Variants in ERC1 observed in about 807,000 individuals in gnomAD.
ERC1 encodes the protein ELKS/RAB6-interacting/CAST family member 1.
Under a neutral mutation model 132.0 loss-of-function variants are expected in ERC1, and 56 were observed. The ratio of observed to expected loss-of-function variants is 0.42; its 90% CI spans 0.34 to 0.53. ERC1 has a LOEUF of 0.53. Among genes scored for constraint, ERC1 ranks in the 20% least tolerant of loss-of-function variants. The pLI, the probability that ERC1 is intolerant of heterozygous loss-of-function variation, is 0.03. For missense variants in ERC1, 1,202 were observed against 1,349.9 expected (o/e 0.89, Z 1.72); for synonymous variants, 478 against 476.1 (o/e 1.00, Z -0.05).
rs1592057491 is a variant in ERC1 at position 1,438,209 on chromosome 12, G to C, written c.3025-6353G>C. Among the ~76,000 whole-genome samples, 9 of 152,284 alleles carry C rather than the reference G, an allele frequency of 5.9e-5. No individual in the cohort carries two copies. The South Asian group carries it at 1.9e-3, about 32-fold the overall frequency. ...CACTATCCTTCATTTTCCTGACCCT[G>C]AAGTACATTATTGACTAAGAAGATA... On this transcript the variant is annotated intron_variant, in intron 17 of 18. Transcript: ENST00000360905.
chr12:1,275,290 C>A (rs910725745), intron 14 of ERC1, among the ~76,000 whole-genome samples: 1 of 152,028 alleles, frequency 6.6e-6, no homozygotes, highest in African/African-American at 2.4e-5. Flanking sequence ...GAGTTTGAGA[C>A]CAGCCTGGCC....
intron 2 of ERC1, among the ~76,000 whole-genome samples, chr12:1,049,182 C>T (rs1204026797): frequency 1.3e-5 from 2 of 152,166 alleles, no homozygotes; most frequent in Admixed American, 6.5e-5. Flanking sequence ...CAAATATTTG[C>T]GCATTACCGT....
At chr12:1,182,660 A>AT (rs550078937) in intron 10 of ERC1, among the ~76,000 whole-genome samples, 15,894 of 146,716 alleles carry the variant, frequency 0.11, 2,611 homozygotes, top group African/African-American at 0.36. Flanking sequence ...GAAAAATGTG[A>AT]TTTTTTTTTT....
At chr12:1,336,962 A>G (rs1336714637) in intron 15 of ERC1, among the ~76,000 whole-genome samples, 2 of 151,832 alleles carry the variant, frequency 1.3e-5, no homozygotes, top group Non-Finnish European at 2.9e-5. Flanking sequence ...CATGCTGGCT[A>G]TTTTGTTCTG....
chr12:1,480,152 A>G (rs2094059218), intron 18 of ERC1, among the ~76,000 whole-genome samples: 1 of 150,426 alleles, frequency 6.6e-6, no homozygotes, highest in African/African-American at 2.5e-5. Context: ...AATATTTTGT[A>G]GTAGAAATAC....
At chr12:1,231,016 C>T (rs1168113074) in intron 12 of ERC1, among the ~76,000 whole-genome samples, 1 of 152,108 alleles carries the variant, frequency 6.6e-6, no homozygotes, top group African/African-American at 2.4e-5. Flanking sequence ...GTCTGTTAGC[C>T]ACTCTGTATC....
chr12:1,484,128 AC>A (rs887822825), intron 18 of ERC1, among the ~76,000 whole-genome samples: 5 of 149,586 alleles, frequency 3.3e-5, no homozygotes, highest in East Asian at 2.0e-4. Flanking sequence ...ACATGGTGAA[AC>A]CCCATCTCTA....
At chr12:1,396,100 G>A (rs1262757442) in intron 16 of ERC1, among the ~76,000 whole-genome samples, 6 of 152,212 alleles carry the variant, frequency 3.9e-5, no homozygotes, top group Non-Finnish European at 8.8e-5. Context: ...TGAAACTAGT[G>A]TAAGGAACAG....
At chr12:1,249,183 T>TATA (rs2076330054) in intron 13 of ERC1, among the ~76,000 whole-genome samples, 1 of 152,188 alleles carries the variant, frequency 6.6e-6, no homozygotes, top group South Asian at 2.1e-4. Context: ...CATTACTTAT[T>TATA]ATAACTTTTT....
chr12:1,389,751 A>C (rs1020106082), intron 16 of ERC1, among the ~76,000 whole-genome samples: 1 of 152,246 alleles, frequency 6.6e-6, no homozygotes, highest in African/African-American at 2.4e-5. Flanking sequence ...CCAAAGAGTT[A>C]ACATAAATGT....
chr12:1,316,543 T>G (rs980458314), intron 15 of ERC1, among the ~76,000 whole-genome samples: 2 of 152,204 alleles, frequency 1.3e-5, no homozygotes, highest in African/African-American at 4.8e-5. Flanking sequence ...CAAAATGTTT[T>G]GGAAAAGGGA....
At chr12:1,275,751 G>A (rs1594724748) in intron 14 of ERC1, among the ~76,000 whole-genome samples, 1 of 152,160 alleles carries the variant, frequency 6.6e-6, no homozygotes, top group Admixed American at 6.5e-5. Flanking sequence ...CTAAGGCTGG[G>A]TAATTTATAA....
intron 1 of ERC1, among the ~76,000 whole-genome samples, chr12:1,020,065 T>A (rs1263533949): frequency 6.6e-6 from 1 of 152,140 alleles, no homozygotes; most frequent in Non-Finnish European, 1.5e-5. Context: ...AGAAGGACAT[T>A]TCATATTGTG....
At chr12:1,429,725 G>A (rs1340005853) in intron 17 of ERC1, among the ~76,000 whole-genome samples, 1 of 152,172 alleles carries the variant, frequency 6.6e-6, no homozygotes, top group Non-Finnish European at 1.5e-5. Flanking sequence ...TCACAAAGAA[G>A]GTGACACTTG....
chr12:1,477,969 A>G (rs1156446275), intron 18 of ERC1, among the ~76,000 whole-genome samples: 1 of 152,222 alleles, frequency 6.6e-6, no homozygotes, highest in Non-Finnish European at 1.5e-5. Flanking sequence ...CATTGTATGA[A>G]TGTGCCACAA....
At position 1,495,918 on chromosome 12, in the gene ERC1, G is replaced by T. The variant is rs141752637; in HGVS notation, c.*5688G>T. 864 of 181,882 alleles carry T rather than the reference G, an allele frequency of 4.8e-3. 2 individuals are homozygous for T. Among genetic ancestry groups the T allele is most frequent in the Non-Finnish European group, 8.0e-3 (684 of 85,276 alleles). 11.3% of individuals were successfully genotyped at this position (181,882 alleles called of 1,614,324 possible). A position where few individuals can be genotyped will look rare whatever the true frequency, so the allele number is the denominator to read the frequency against. On this transcript the variant is annotated 3_prime_UTR_variant, in exon 19 of 19. Transcript: ENST00000360905. ...ACTAAATCCACCAGGAAATTATAAAGTTATTTAAAAACCGTGCTGTGTCCT... is the reference window on the plus strand; with the variant it reads ...ACTAAATCCACCAGGAAATTATAAATTTATTTAAAAACCGTGCTGTGTCCT...
At chr12:1,394,026 A>G (rs574089247) in intron 16 of ERC1, among the ~76,000 whole-genome samples, 1 of 101,030 alleles carries the variant, frequency 9.9e-6, no homozygotes, top group Non-Finnish European at 1.9e-5. Flanking sequence ...AAAAAAAAAA[A>G]AAAAAAACAA....
chr12:1,122,519 CT>C (rs1164978690), intron 7 of ERC1, among the ~76,000 whole-genome samples: 10 of 16,404 alleles, frequency 6.1e-4, no homozygotes, highest in South Asian at 2.6e-3. Flanking sequence ...CTATCTGTGT[CT>C]CTATCTCTAT....
rs2093115709 is a variant in ERC1 at position 1,440,603 on chromosome 12, TGTGTG to T, written c.3025-3958_3025-3954del. Among the ~76,000 whole-genome samples, 78 of 15,064 alleles carry T rather than the reference TGTGTG, an allele frequency of 5.2e-3. 7 individuals are homozygous for T. The highest frequency in any genetic ancestry group is 0.01 in the African/African-American group (66 of 6,590). The allele number at this position is 15,064 out of a possible 152,430, so 9.9% of individuals were successfully genotyped here. On this transcript the variant is annotated intron_variant, in intron 17 of 18. Coordinates refer to ENST00000360905, the MANE Select transcript of ERC1 (RefSeq NM_178040.4). Reference sequence around the variant, plus strand: ...GCAATCCCCCTGCCTCAGCCTTTTGTGTGTGTGTGTGTGTGTGTGTGTGTGTGTGT... The same window carrying T: ...GCAATCCCCCTGCCTCAGCCTTTTGTTGTGTGTGTGTGTGTGTGTGTGTGT...
Sources: allele counts gnomAD v4.1 joint callset (sites outside exome capture counted in the v4.1 genomes callset), GRCh38; gene constraint gnomAD v4.1.1; transcripts MANE v1.5; gene names NCBI Gene and HGNC (gene_info 2026-07-23, HGNC 2026-07-21).